CAST: variants seen among roughly 807,000 people sequenced by gnomAD.
The protein encoded by CAST is calpastatin, also known as MIR583 host.
CAST carries 76 observed loss-of-function variants against 119.6 expected under a neutral mutation model. The ratio of observed to expected loss-of-function variants is 0.64; its 90% CI spans 0.53 to 0.77. The LOEUF (loss-of-function observed/expected upper bound fraction) is 0.77, where lower values mean the gene tolerates loss of function less well. Among genes scored for constraint, CAST ranks in the 30% least tolerant of loss-of-function variants. The pLI, the probability that CAST is intolerant of heterozygous loss-of-function variation, is 0.00. For synonymous variants in CAST, 319 were observed against 331.6 expected (o/e 0.96, Z 0.41); for missense variants, 953 against 946.5 (o/e 1.01, Z -0.09).
chr5:96,566,257 G>A (rs1167367577), intron 1 of CAST, among the ~76,000 whole-genome samples: 1 of 152,158 alleles, frequency 6.6e-6, no homozygotes, highest in Non-Finnish European at 1.5e-5. Context: ...TTCTGCCTTG[G>A]AGAAAAGCAA....
chr5:96,535,699 G>A (rs895547114), intron 1 of CAST, among the ~76,000 whole-genome samples: 2 of 149,994 alleles, frequency 1.3e-5, no homozygotes, highest in Non-Finnish European at 3.0e-5. Context: ...TCAGCCTCTC[G>A]AGTAGCTGGG....
the CAST span, among the ~76,000 whole-genome samples, chr5:96,116,707 TATC>T: frequency 1.3e-5 from 2 of 152,338 alleles, no homozygotes; most frequent in East Asian, 1.9e-4. Flanking sequence ...TTTATTTGCA[TATC>T]ATCATTTGCA....
chr5:96,220,725 G>T, the CAST span, among the ~76,000 whole-genome samples: 1 of 152,126 alleles, frequency 6.6e-6, no homozygotes, highest in Non-Finnish European at 1.5e-5. Context: ...CAACTTGTTT[G>T]ATTCATTTTG....
chr5:96,571,537 T>TA (rs1746567129), intron 1 of CAST, among the ~76,000 whole-genome samples: 1 of 152,226 alleles, frequency 6.6e-6, no homozygotes, highest in Non-Finnish European at 1.5e-5. Flanking sequence ...AAGATGATCA[T>TA]AGTTACACAG....
In CAST at chr5:96,750,687, G is replaced by A. The variant is rs369144570; in HGVS notation, c.1524+5G>A. 2 of 1,597,032 alleles carry A rather than the reference G, an allele frequency of 1.3e-6. No homozygotes were observed. The highest frequency in any genetic ancestry group is 2.7e-5 in the African/African-American group (2 of 74,534). ...CCCCCTGAGCCGGCTACCTTGGTGA[G>A]TGACTCCCTGGGCATTTGAGCAGTG... On this transcript the variant is annotated splice_donor_5th_base_variant and intron_variant, in intron 20 of 31. Coordinates refer to ENST00000675179, the MANE Select transcript of CAST (RefSeq NM_001750.7).
chr5:96,734,686 C>T (rs1157152732), intron 9 of CAST, among the ~76,000 whole-genome samples: 7 of 152,098 alleles, frequency 4.6e-5, no homozygotes, highest in African/African-American at 1.7e-4. Flanking sequence ...GAGTTGGCAC[C>T]TGAGAATGAG....
intron 1 of CAST, among the ~76,000 whole-genome samples, chr5:96,614,897 C>T (rs1351586108): frequency 1.4e-5 from 2 of 145,052 alleles, no homozygotes; most frequent in African/African-American, 5.5e-5. Context: ...TACTTAAAAG[C>T]AATAATTTGG....
At chr5:96,432,250 T>C in the CAST span, 41 of 837,688 alleles carry the variant, frequency 4.9e-5, no homozygotes, top group South Asian at 6.1e-4. Context: ...CCCGTGTCTT[T>C]CACCCACCAT....
chr5:96,058,054 ATG>A, the CAST span, among the ~76,000 whole-genome samples: 24 of 151,868 alleles, frequency 1.6e-4, no homozygotes, highest in African/African-American at 4.3e-4. Flanking sequence ...TATTTAAAAT[ATG>A]TGTGTGTGTG....
chr5:95,993,873 A>C, the CAST span, among the ~76,000 whole-genome samples: 96 of 152,252 alleles, frequency 6.3e-4, no homozygotes, highest in African/African-American at 2.3e-3. Flanking sequence ...AAGGTACTCA[A>C]CATCACTAGT....
chr5:96,700,866 G>A (rs1474220021), intron 3 of CAST, among the ~76,000 whole-genome samples: 2 of 152,060 alleles, frequency 1.3e-5, no homozygotes, highest in East Asian at 3.9e-4. Context: ...TACATTGTTT[G>A]CCTTCACTCT....
At chr5:96,240,490 C>T in the CAST span, among the ~76,000 whole-genome samples, 1 of 152,154 alleles carries the variant, frequency 6.6e-6, no homozygotes. Context: ...GTCCAGCTTC[C>T]TTCCCAGTTG....
the CAST span, among the ~76,000 whole-genome samples, chr5:96,436,913 G>C: frequency 6.6e-6 from 1 of 152,166 alleles, no homozygotes; most frequent in African/African-American, 2.4e-5. Context: ...TAAGTACTTA[G>C]AGTATGAACT....
chr5:96,450,851 A>G, the CAST span, among the ~76,000 whole-genome samples: 1 of 152,182 alleles, frequency 6.6e-6, no homozygotes, highest in Admixed American at 6.5e-5. Context: ...TGTGCCAGAC[A>G]TTTAGGGTAT....
At chr5:96,564,249 G>T (rs959982080) in intron 1 of CAST, among the ~76,000 whole-genome samples, 4 of 152,148 alleles carry the variant, frequency 2.6e-5, no homozygotes, top group African/African-American at 7.2e-5. Flanking sequence ...GGATCACAGA[G>T]AACTTATGTT....
chr5:96,559,136 C>A (rs263393), intron 1 of CAST, among the ~76,000 whole-genome samples: 1 of 151,710 alleles, frequency 6.6e-6, no homozygotes, highest in African/African-American at 2.4e-5. Flanking sequence ...ATGCAGAAAA[C>A]GCCTTTGACA....
chr5:96,731,458 ACCTTAT>A (rs1760467775), intron 9 of CAST, among the ~76,000 whole-genome samples: 1 of 126,724 alleles, frequency 7.9e-6, no homozygotes, highest in Non-Finnish European at 1.7e-5. Context: ...TTTTTTTTTT[ACCTTAT>A]CCTTTAAGGT....
At chr5:96,767,704 G>C (rs1260181982) in intron 28 of CAST, among the ~76,000 whole-genome samples, 1 of 152,074 alleles carries the variant, frequency 6.6e-6, no homozygotes, top group Middle Eastern at 3.2e-3. Context: ...TAAGCAACGT[G>C]TATTAAAGAG....
At chr5:96,569,636 G>A (rs1037918614) in intron 1 of CAST, among the ~76,000 whole-genome samples, 1 of 152,016 alleles carries the variant, frequency 6.6e-6, no homozygotes, top group Non-Finnish European at 1.5e-5. Flanking sequence ...AGTTTCTTTT[G>A]TCTTACTGCT....
Sources: allele counts gnomAD v4.1 joint callset (sites outside exome capture counted in the v4.1 genomes callset), GRCh38; gene constraint gnomAD v4.1.1; transcripts MANE v1.5; gene names NCBI Gene and HGNC (gene_info 2026-07-23, HGNC 2026-07-21).